Variants in ITIH6 observed in about 807,000 individuals in gnomAD.
ITIH6 encodes the protein inter-alpha-trypsin inhibitor heavy chain family member 6, also known as inter-alpha-trypsin inhibitor heavy chain H6.
ITIH6 carries 60 observed loss-of-function variants against 58.2 expected under a neutral mutation model. That is an observed-to-expected ratio of 1.03 (90% CI 0.84 to 1.28). The LOEUF is 1.28. Among genes scored for constraint, ITIH6 ranks in the 50% most tolerant of loss-of-function variants. The pLI, the probability that ITIH6 is intolerant of heterozygous loss-of-function variation, is 0.00. For synonymous variants in ITIH6, 493 were observed against 417.4 expected, an observed-to-expected ratio of 1.18 and a Z score of -2.21; for missense variants, 1,290 against 1,021.1, an observed-to-expected ratio of 1.26 and a Z score of -3.59.
chrX:54,796,538 G>T (rs770209973), intron 2 of ITIH6, among the ~76,000 whole-genome samples: 1 of 110,243 alleles, frequency 9.1e-6, no homozygotes, highest in African/African-American at 3.3e-5. Context: ...CAAAAAATTA[G>T]CCGGGTGTGG....
intron 5 of ITIH6, among the ~76,000 whole-genome samples, chrX:54,776,515 T>C (rs1420863277): frequency 9.1e-6 from 1 of 109,643 alleles, no homozygotes; most frequent in Non-Finnish European, 1.9e-5. Context: ...GCTCCACAGC[T>C]TGTGGCTCCA....
At chrX:54,773,935 G>C (rs1929002919) in intron 6 of ITIH6, 146 bp downstream of exon 6, 2 of 300,781 alleles carry the variant, frequency 6.6e-6, no homozygotes, top group East Asian at 1.2e-4. Context: ...TAAGATACCA[G>C]GACCCTAGGG....
Position 54,792,118 on chromosome X carries a change from G to T in ITIH6, c.258-82C>A, listed in dbSNP as rs1287878156. 9 of 643,962 alleles carry T rather than the reference G, an allele frequency of 1.4e-5. No homozygotes were observed. The Admixed American group carries it at 2.2e-4, about 16-fold the overall frequency. The allele number at this position is 643,962 out of a possible 1,213,427, so 53.1% of individuals were successfully genotyped here. A position where few individuals can be genotyped will look rare whatever the true frequency, so the allele number is the denominator to read the frequency against. On this transcript the variant is annotated intron_variant, in intron 2 of 12. Coordinates refer to ENST00000218436, the MANE Select transcript of ITIH6 (RefSeq NM_198510.3). ...AGAGACAGAGAAAGAGACACATGAGGTAGAAAGAGGAGGGTAGAGATAGGG... is the reference window on the plus strand; with the variant it reads ...AGAGACAGAGAAAGAGACACATGAGTTAGAAAGAGGAGGGTAGAGATAGGG...
intron 6 of ITIH6, among the ~76,000 whole-genome samples, chrX:54,767,258 T>C (rs1333832361): frequency 2.8e-5 from 3 of 105,380 alleles, no homozygotes; most frequent in Non-Finnish European, 3.9e-5. Context: ...TTTTTTATTG[T>C]GTCTATTTGA....
chrX:54,761,943 A>T (rs1242325076), intron 6 of ITIH6, among the ~76,000 whole-genome samples: 3 of 111,636 alleles, frequency 2.7e-5, no homozygotes, highest in Non-Finnish European at 5.6e-5. Context: ...TTCCATATGA[A>T]CTTTAAAGTA....
In ITIH6 at chrX:54,753,962, G is replaced by A. The variant is rs771622713; in HGVS notation, c.3206C>T (p.Thr1069Ile). 7 of 1,208,985 alleles carry A rather than the reference G, an allele frequency of 5.8e-6. No homozygotes were observed. The highest frequency in any genetic ancestry group is 2.3e-4 in the Middle Eastern group (1 of 4,299). ...GGAGAAGGTGAAGATGCTAGGCAAT[G>A]TGCCTGCAAAGGAGAGAGAGACTGT... ...QGSSVGLAKGTLPSIFTFSSS... is the reference protein window; with the variant it reads ...QGSSVGLAKGILPSIFTFSSS... The change falls in exon 10 of 13, where the codon ACA becomes ATA. Residue 1069 changes from threonine to isoleucine, a missense_variant. By Grantham distance (89) the Thr-to-Ile change is moderately conservative. Transcript: ENST00000218436.
At chrX:54,769,399 C>T (rs1158876535) in intron 6 of ITIH6, among the ~76,000 whole-genome samples, 5 of 99,847 alleles carry the variant, frequency 5.0e-5, no homozygotes, top group African/African-American at 1.5e-4. Flanking sequence ...ATTCTCCATC[C>T]AGCTTTGTTC....
At position 54,775,304 on chromosome X, in the gene ITIH6, C is replaced by A. The variant is rs1241635767; in HGVS notation, c.787-1107G>T. Among the ~76,000 whole-genome samples the A allele has an allele frequency of 5.4e-5, 6 of 111,547 alleles. No homozygotes were observed. The Admixed American group carries it at 5.7e-4, about 11-fold the overall frequency. Reference sequence around the variant, plus strand: ...TTCCCCGATCCCATGCCCACCAGGGCCCCCACTTCCTATCACATAACTCAA... The same window carrying A: ...TTCCCCGATCCCATGCCCACCAGGGACCCCACTTCCTATCACATAACTCAA... On this transcript the variant is annotated intron_variant, in intron 5 of 12. Coordinates refer to ENST00000218436, the MANE Select transcript of ITIH6 (RefSeq NM_198510.3).
At position 54,758,032 on chromosome X, in the gene ITIH6, ATCT is replaced by A. The variant is rs1459542521; in HGVS notation, c.2039_2041del (p.Lys680del). The A allele has an allele frequency of 2.5e-6, 3 of 1,209,726 alleles. No homozygotes were observed. Among genetic ancestry groups the A allele is most frequent in the Non-Finnish European group, 3.4e-6 (3 of 894,931 alleles). On this transcript the variant is annotated inframe_deletion, in exon 8 of 13. Coordinates refer to ENST00000218436, the MANE Select transcript of ITIH6 (RefSeq NM_198510.3). ...TGGCTCCAGCTCTTTGGAACTTAGC[ATCT>A]TCTTGGTAGAGGCAGTAGTAGTTGA...
intron 3 of ITIH6, 38 bp from the exon 4 acceptor site, chrX:54,791,122 A>G: frequency 1.2e-5 from 14 of 1,199,167 alleles, no homozygotes; most frequent in Non-Finnish European, 1.5e-5. Flanking sequence ...AGAGAAAGGG[A>G]CCTTCAGAGG....
At chrX:54,764,674 G>C (rs1441738759) in intron 6 of ITIH6, among the ~76,000 whole-genome samples, 17 of 95,396 alleles carry the variant, frequency 1.8e-4, no homozygotes, top group East Asian at 1.0e-3. Context: ...GGACATTTGG[G>C]TTGGTTCCAA....
In ITIH6 at chrX:54,788,579, C is replaced by A. The variant is rs147918674; in HGVS notation, c.687G>T (p.Pro229=). 2 of 1,207,393 alleles carry A rather than the reference C, an allele frequency of 1.7e-6. No homozygotes were observed. Among genetic ancestry groups the A allele is most frequent in the African/African-American group, 1.8e-5 (1 of 56,906 alleles). ...AGATGGACGACTGGTCTTGCAATGT[C>A]GGGCAGTAGGTGATTCGGACACAGG... ...GETCVRITYC[P]TLQDQSSISG... Residue 229 remains proline (P), a synonymous_variant, in exon 5 of 13, where the codon CCG becomes CCT. Coordinates refer to ENST00000218436, the MANE Select transcript of ITIH6 (RefSeq NM_198510.3).
chrX:54,766,263 G>A (rs1322214087), intron 6 of ITIH6, among the ~76,000 whole-genome samples: 1 of 102,898 alleles, frequency 9.7e-6, no homozygotes. Context: ...TGCTGAAGTT[G>A]CTTATCAGCT....
intron 5 of ITIH6, among the ~76,000 whole-genome samples, chrX:54,780,761 C>A (rs764445684): frequency 6.4e-5 from 7 of 109,943 alleles, no homozygotes; most frequent in Non-Finnish European, 1.3e-4. Flanking sequence ...ATTGACAAAC[C>A]TTTACCCCGA....
intron 6 of ITIH6, among the ~76,000 whole-genome samples, chrX:54,765,904 A>C (rs937512000): frequency 9.0e-6 from 1 of 111,239 alleles, no homozygotes; most frequent in African/African-American, 3.3e-5. Flanking sequence ...TGAACTTGAA[A>C]GTAGTTTATT....
In ITIH6 at chrX:54,793,939, C is replaced by T. The variant is rs755425947; in HGVS notation, c.258-1903G>A. On this transcript the variant is annotated intron_variant, in intron 2 of 12. Coordinates refer to ENST00000218436, the MANE Select transcript of ITIH6 (RefSeq NM_198510.3). ...CCTTTGAGGAGTGATAGTTGGGTGT[C>T]CTAGAGAAAGTTAGTGCAACTCTGT... 3.6e-5 allele frequency among the ~76,000 whole-genome samples: 4 copies of T among 111,018 alleles called. No homozygotes were observed. The South Asian group carries it at 1.1e-3, about 32-fold the overall frequency.
chrX:54,768,398 G>A (rs1429133412), intron 6 of ITIH6, among the ~76,000 whole-genome samples: 2 of 88,427 alleles, frequency 2.3e-5, no homozygotes, highest in African/African-American at 4.6e-5. Flanking sequence ...TGCATTTAAA[G>A]TTAATATTGT....
intron 5 of ITIH6, among the ~76,000 whole-genome samples, chrX:54,776,182 A>G (rs1225789645): frequency 1.0e-5 from 1 of 100,312 alleles, no homozygotes; most frequent in Non-Finnish European, 2.0e-5. Flanking sequence ...TTAGAGGAGT[A>G]AAAAAAAAAA....
At chrX:54,769,653 G>C (rs1456621270) in intron 6 of ITIH6, among the ~76,000 whole-genome samples, 2 of 100,841 alleles carry the variant, frequency 2.0e-5, no homozygotes, top group Admixed American at 1.1e-4. Flanking sequence ...AGGTGTCAGT[G>C]TGCCCCTGCT....
Sources: allele counts gnomAD v4.1 joint callset (sites outside exome capture counted in the v4.1 genomes callset), GRCh38; gene constraint gnomAD v4.1.1; transcripts MANE v1.5; gene names NCBI Gene and HGNC (gene_info 2026-07-23, HGNC 2026-07-21).